Variants in PCDH15 observed in about 807,000 individuals in gnomAD.
PCDH15 encodes the protein protocadherin-15.
PCDH15 carries 129 observed loss-of-function variants against 178.5 expected under a neutral mutation model. That is an observed-to-expected ratio of 0.72 (90% CI 0.63 to 0.84). PCDH15 has a LOEUF of 0.84. PCDH15 is among the 40% of genes least tolerant of loss of function. The pLI, the probability that PCDH15 is intolerant of heterozygous loss-of-function variation, is 0.00. For synonymous variants in PCDH15, 800 were observed against 732.0 expected, an observed-to-expected ratio of 1.09 and a Z score of -1.50; for missense variants, 2,230 against 2,099.9, an observed-to-expected ratio of 1.06 and a Z score of -1.21.
At chr10:54,629,491 T>C (rs1208901049) in intron 2 of PCDH15, among the ~76,000 whole-genome samples, 1 of 152,020 alleles carries the variant, frequency 6.6e-6, no homozygotes, top group Non-Finnish European at 1.5e-5. Context: ...CAAAACTGAA[T>C]AACCATATCA....
In PCDH15 at chr10:54,459,083, TG is replaced by T. The variant is rs373995893; in HGVS notation, c.157+68728del. On this transcript the variant is annotated intron_variant, in intron 3 of 37. Transcript: ENST00000644397. ...CTCAAAAATATGTCGTGTTCATTGGTGTATCTACATGGTGCTAAAATGACAG... is the reference window on the plus strand; with the variant it reads ...CTCAAAAATATGTCGTGTTCATTGGTTATCTACATGGTGCTAAAATGACAG... 3.9e-4 allele frequency among the ~76,000 whole-genome samples: 60 copies of T among 152,056 alleles called. 1 individual carries two copies. In the East Asian group the frequency reaches 9.9e-3, roughly 25 times the overall value.
At chr10:55,055,612 G>A (rs911504049) in intron 2 of PCDH15, among the ~76,000 whole-genome samples, 23 of 152,114 alleles carry the variant, frequency 1.5e-4, no homozygotes, top group African/African-American at 5.5e-4. Context: ...GGACCAATCT[G>A]GACAACATGT....
rs936078295 is a variant in PCDH15 at position 55,404,151 on chromosome 10, T to C, written c.-156+223474A>G. On this transcript the variant is annotated intron_variant, in intron 2 of 5. Transcript: ENST00000613346. ...CCCCCCACATTTTCCTCTTGGGATATTGGAATATCTAGGAAGAGCTATCCT... is the reference window on the plus strand; with the variant it reads ...CCCCCCACATTTTCCTCTTGGGATACTGGAATATCTAGGAAGAGCTATCCT... Among the ~76,000 whole-genome samples, 9 of 152,168 alleles carry C rather than the reference T, an allele frequency of 5.9e-5. No individual in the cohort carries two copies. In the East Asian group the frequency reaches 1.7e-3, roughly 29 times the overall value.
chr10:55,592,267 A>C (rs1255363096), intron 2 of PCDH15, among the ~76,000 whole-genome samples: 1 of 152,108 alleles, frequency 6.6e-6, no homozygotes, highest in Non-Finnish European at 1.5e-5. Context: ...TTACTGCCTG[A>C]TGTCAGTGGG....
At chr10:55,466,543 A>C (rs949685106) in intron 2 of PCDH15, among the ~76,000 whole-genome samples, 2 of 152,202 alleles carry the variant, frequency 1.3e-5, no homozygotes, top group African/African-American at 4.8e-5. Context: ...CGATGAGGAA[A>C]TGTGTAAAAT....
At chr10:55,007,795 A>G (rs1839966876) in intron 2 of PCDH15, among the ~76,000 whole-genome samples, 1 of 152,130 alleles carries the variant, frequency 6.6e-6, no homozygotes, top group African/African-American at 2.4e-5. Context: ...AAGACAGTCA[A>G]CGCTTCTTTC....
In PCDH15 at chr10:55,129,374, A is replaced by T. The variant is rs143751156; in HGVS notation, c.-80+37202T>A. On this transcript the variant is annotated intron_variant, in intron 2 of 5. Coordinates refer to the PCDH15 transcript ENST00000458638. ...ATGCCAGAGAAGAACTGTGAAAGGC[A>T]GTAAAGGGCTGAGAACTTTCTATGG... Among the ~76,000 whole-genome samples the T allele has an allele frequency of 4.7e-3, 718 of 152,266 alleles. 21 individuals are homozygous for T. Among genetic ancestry groups the T allele is most frequent in the Admixed American group, 0.038 (588 of 15,290 alleles).
intron 2 of PCDH15, among the ~76,000 whole-genome samples, chr10:54,563,173 C>A (rs1329188444): frequency 6.6e-6 from 1 of 152,108 alleles, no homozygotes; most frequent in East Asian, 1.9e-4. Context: ...TGATCTTCCT[C>A]TTATGATCTA....
At chr10:54,050,876 T>C (rs1221682156) in intron 18 of PCDH15, among the ~76,000 whole-genome samples, 3 of 152,232 alleles carry the variant, frequency 2.0e-5, no homozygotes, top group South Asian at 2.1e-4. Flanking sequence ...AGGGACCTGG[T>C]TGGAGGTAAT....
At chr10:54,897,104 T>C (rs1954559281) in intron 3 of PCDH15, among the ~76,000 whole-genome samples, 1 of 152,214 alleles carries the variant, frequency 6.6e-6, no homozygotes, top group South Asian at 2.1e-4. Context: ...TGAGTTACAT[T>C]CTGTGTATGA....
chr10:55,372,163 G>A (rs534481319), intron 2 of PCDH15, among the ~76,000 whole-genome samples: 2 of 152,162 alleles, frequency 1.3e-5, no homozygotes, highest in South Asian at 2.1e-4. Context: ...CCTGGAAAAT[G>A]TATAGGGCAC....
chr10:54,514,339 CAA>C (rs1555019886), intron 3 of PCDH15, among the ~76,000 whole-genome samples: 2 of 151,740 alleles, frequency 1.3e-5, no homozygotes, highest in Non-Finnish European at 2.9e-5. Context: ...TACTTGCCAA[CAA>C]TAATAAAGAC....
Position 55,532,334 on chromosome 10 carries a change from T to C in PCDH15, c.-156+95291A>G, listed in dbSNP as rs1468203352. 2.6e-5 allele frequency among the ~76,000 whole-genome samples: 4 copies of C among 152,020 alleles called. No homozygotes were observed. The Admixed American group carries it at 2.6e-4, about 10-fold the overall frequency. The stretch of plus-strand genomic sequence containing the variant: ...TTCCTCTAAACATCTTAATACTTGG[T>C]GAAACTTGTTTCACAATCTTTTCTG... On this transcript the variant is annotated intron_variant, in intron 2 of 5. Coordinates refer to the PCDH15 transcript ENST00000613346.
chr10:54,503,665 C>A (rs1044838130), intron 3 of PCDH15, among the ~76,000 whole-genome samples: 1 of 151,804 alleles, frequency 6.6e-6, no homozygotes, highest in Non-Finnish European at 1.5e-5. Context: ...CCCTTTAAAT[C>A]ATCAGGCTGG....
intron 2 of PCDH15, among the ~76,000 whole-genome samples, chr10:55,396,733 T>C (rs1349755491): frequency 1.3e-5 from 2 of 152,146 alleles, no homozygotes; most frequent in African/African-American, 4.8e-5. Flanking sequence ...AGGATGAGAA[T>C]TGTCAAAGAT....
chr10:54,170,738 A>G (rs1379823261), intron 13 of PCDH15, among the ~76,000 whole-genome samples: 161 of 151,910 alleles, frequency 1.1e-3, no homozygotes, highest in African/African-American at 3.4e-3. Flanking sequence ...CGCTTGATTT[A>G]TTGATGGCGG....
intron 3 of PCDH15, among the ~76,000 whole-genome samples, chr10:54,382,108 C>T (rs954707177): frequency 1.4e-4 from 22 of 152,114 alleles, no homozygotes; most frequent in African/African-American, 5.3e-4. Flanking sequence ...ACATTTTCAA[C>T]ACATTTCTTG....
chr10:54,034,651 G>T (rs2093375463), intron 18 of PCDH15, among the ~76,000 whole-genome samples: 1 of 149,204 alleles, frequency 6.7e-6, no homozygotes, highest in Non-Finnish European at 1.5e-5. Flanking sequence ...TACACAATGT[G>T]AAACTGCCTT....
chr10:54,810,702 C>T (rs992229700), intron 3 of PCDH15, among the ~76,000 whole-genome samples: 4 of 151,844 alleles, frequency 2.6e-5, no homozygotes, highest in African/African-American at 4.8e-5. Flanking sequence ...ACAAAGGACC[C>T]TATTTGAAAA....
Sources: allele counts gnomAD v4.1 joint callset (sites outside exome capture counted in the v4.1 genomes callset), GRCh38; gene constraint gnomAD v4.1.1; transcripts MANE v1.5; gene names NCBI Gene and HGNC (gene_info 2026-07-23, HGNC 2026-07-21).